TTC16: variants seen among roughly 807,000 people sequenced by gnomAD.
TTC16 encodes the protein tetratricopeptide repeat domain 16, also known as tetratricopeptide repeat protein 16.
TTC16 carries 66 observed loss-of-function variants against 80.4 expected under a neutral mutation model. That is an observed-to-expected ratio of 0.82 (90% CI 0.67 to 1.01). TTC16 has a LOEUF of 1.01. Ranked by LOEUF, TTC16 falls within the 50% of genes least tolerant of loss-of-function variation. TTC16 has a pLI of 0.00. For synonymous variants in TTC16, 438 were observed against 451.3 expected, an observed-to-expected ratio of 0.97 and a Z score of 0.37; for missense variants, 1,070 against 1,103.2, an observed-to-expected ratio of 0.97 and a Z score of 0.43.
chr9:127,729,847 G>T (rs574178191), intron 13 of TTC16, 179 bp downstream of exon 13: 7 of 604,480 alleles, frequency 1.2e-5, no homozygotes, highest in African/African-American at 7.4e-5. Flanking sequence ...CCAGGACGAG[G>T]TGAGGCTTGC....
chr9:127,731,464 C>A lies in TTC16; in HGVS notation c.*59C>A. The A allele has an allele frequency of 6.5e-7, 1 of 1,536,882 alleles. No individual in the cohort carries two copies. The highest frequency in any genetic ancestry group is 8.7e-7 in the Non-Finnish European group (1 of 1,143,120). ...AGGGGACGAGTTCTACCCACCTCCC[C>A]ACACTGGCACTCAGCCAGCTGCCTC... On this transcript the variant is annotated 3_prime_UTR_variant, in exon 14 of 14. Transcript: ENST00000373289.
rs564452113 is a variant in TTC16, at chr9:127,722,925, G to C, written c.658-194G>C. Reference sequence around the variant, plus strand: ...AGAGGTTGCAGTGAGCCAAGACCACGCCATTGCACTCCAGCCTGGGTGACA... The same window carrying C: ...AGAGGTTGCAGTGAGCCAAGACCACCCCATTGCACTCCAGCCTGGGTGACA... On this transcript the variant is annotated intron_variant, in intron 6 of 13. Transcript: ENST00000373289. This position sits in a 1 kb window ranked among gnomAD's most constrained non-coding sequence, Gnocchi z 4.2. 1.3e-5 allele frequency among the ~76,000 whole-genome samples: 2 copies of C among 150,574 alleles called. No individual in the cohort carries two copies. Among genetic ancestry groups the C allele is most frequent in the African/African-American group, 4.9e-5 (2 of 40,814 alleles).
chr9:127,727,661 G>A, intron 12 of TTC16, 196 bp downstream of exon 12: 1 of 1,203,238 alleles, frequency 8.3e-7, no homozygotes, highest in Non-Finnish European at 1.1e-6. Context: ...CTGACGGAGG[G>A]TGTGTGGGGA....
In TTC16 at chr9:127,723,245, G is replaced by A. The variant is rs758366626; in HGVS notation, c.784G>A (p.Ala262Thr). 2 of 1,612,944 alleles carry A rather than the reference G, an allele frequency of 1.2e-6. No individual in the cohort carries two copies. The highest frequency in any genetic ancestry group is 3.3e-5 in the Admixed American group (2 of 60,030). Residue 262 changes from alanine to threonine, a missense_variant, in exon 7 of 14, where the codon GCT becomes ACT. Transcript: ENST00000373289. ...QQARQDAGIL[A>T]VQGKLQHALQ... ...GGCGCGCCAAGATGCGGGGATCCTGGCTGTGCAGGGCAAGCTGCAGCACGC... is the reference window on the plus strand; with the variant it reads ...GGCGCGCCAAGATGCGGGGATCCTGACTGTGCAGGGCAAGCTGCAGCACGC...
At chr9:127,724,655 C>T (rs1843773661) in intron 8 of TTC16, 101 bp from the exon 9 acceptor site, 1 of 1,461,248 alleles carries the variant, frequency 6.8e-7, no homozygotes, top group South Asian at 1.3e-5. Context: ...GGGTTATCAG[C>T]CACCAGTTTC....
rs150701424 is a variant in TTC16, at chr9:127,725,626, G to A, written c.1260-613G>A. Among the ~76,000 whole-genome samples, 1,373 of 147,388 alleles carry A rather than the reference G, an allele frequency of 9.3e-3. 28 individuals carry two copies. The highest frequency in any genetic ancestry group is 0.033 in the African/African-American group (1,302 of 39,962). On this transcript the variant is annotated intron_variant, in intron 9 of 13. Coordinates refer to ENST00000373289, the MANE Select transcript of TTC16 (RefSeq NM_144965.3). Reference sequence around the variant, plus strand: ...TATGCTTTCCTTTTTTTTAGATGGAGTCTCACTCTGTTGCCCAGACTGGAG... The same window carrying A: ...TATGCTTTCCTTTTTTTTAGATGGAATCTCACTCTGTTGCCCAGACTGGAG...
At chr9:127,721,955 C>G (rs1843547636) in intron 6 of TTC16, among the ~76,000 whole-genome samples, 1 of 152,170 alleles carries the variant, frequency 6.6e-6, no homozygotes, top group Non-Finnish European at 1.5e-5. Context: ...TGCCACTGCG[C>G]CCGGCTGAGA....
At chr9:127,724,579 A>G in intron 8 of TTC16, 177 bp from the exon 9 acceptor site, 1 of 1,119,796 alleles carries the variant, frequency 8.9e-7, no homozygotes, top group Non-Finnish European at 1.2e-6. Context: ...AAAATGCTCA[A>G]AACAGGCAGC....
In TTC16 at chr9:127,723,256, C is replaced by A. The variant is rs1681658752; in HGVS notation, c.795C>A (p.Gly265=). ...RQDAGILAVQ[G]KLQHALQRIN... ...ATGCGGGGATCCTGGCTGTGCAGGG[C>A]AAGCTGCAGCACGCACTGCAGCGGA... The change falls in exon 7 of 14, where the codon GGC becomes GGA. Residue 265 remains glycine (G), a synonymous_variant. Transcript: ENST00000373289. The A allele has an allele frequency of 6.2e-7, 1 of 1,612,808 alleles. No individual in the cohort carries two copies. Among genetic ancestry groups the A allele is most frequent in the South Asian group, 1.1e-5 (1 of 91,090 alleles).
rs367594699 is a variant in TTC16 at position 127,716,952 on chromosome 9, C to T, written c.127C>T (p.Gln43Ter). 9 of 1,614,038 alleles carry T rather than the reference C, an allele frequency of 5.6e-6. No individual in the cohort carries two copies. The highest frequency in any genetic ancestry group is 6.8e-6 in the Non-Finnish European group (8 of 1,180,020). The change falls in exon 2 of 14, where the codon CAA becomes TAA. Residue 43 changes from glutamine to a stop codon, truncating the protein, a stop_gained. Coordinates refer to ENST00000373289, the MANE Select transcript of TTC16 (RefSeq NM_144965.3). LOFTEE classifies it high-confidence loss of function. ...QHIFGTSHVF[Q>*]SICDVKPKVT... Reference sequence around the variant, plus strand: ...CATCTTTGGGACCAGCCACGTGTTCCAAAGCATCTGTGATGTAAAACCAAA... The same window carrying T: ...CATCTTTGGGACCAGCCACGTGTTCTAAAGCATCTGTGATGTAAAACCAAA...
In TTC16 at chr9:127,720,169, G is replaced by C. The variant is rs188096179; in HGVS notation, c.518G>C (p.Arg173Pro). The C allele has an allele frequency of 1.4e-5, 22 of 1,613,588 alleles. No individual in the cohort carries two copies. The highest frequency in any genetic ancestry group is 3.3e-4 in the Middle Eastern group (2 of 6,082). Residue 173 changes from arginine to proline, a missense_variant, in exon 5 of 14, where the codon CGT becomes CCT. Coordinates refer to ENST00000373289, the MANE Select transcript of TTC16 (RefSeq NM_144965.3). ...CTCCAGCCTGAGAAACCATGCTTCC[G>C]TTACCGATGGTGAGTGCCCCTGCCA... ...AELQPEKPCF[R>P]YRCMACLLAL... is the part of the protein sequence containing the mutation.
At chr9:127,726,153 C>T in intron 9 of TTC16, 86 bp from the exon 10 acceptor site, 1 of 1,295,358 alleles carries the variant, frequency 7.7e-7, no homozygotes, top group Non-Finnish European at 1.0e-6. Flanking sequence ...TGGTTTCCCT[C>T]TAACTCCTCA....
intron 4 of TTC16, among the ~76,000 whole-genome samples, chr9:127,719,484 G>T (rs975890442): frequency 6.6e-6 from 1 of 152,122 alleles, no homozygotes; most frequent in Non-Finnish European, 1.5e-5. Context: ...GATCTCTTCT[G>T]CCATCTGAGT....
intron 12 of TTC16, 125 bp from the exon 13 acceptor site, chr9:127,729,456 G>A: frequency 1.3e-6 from 1 of 744,058 alleles, no homozygotes; most frequent in East Asian, 2.7e-5. Flanking sequence ...CTCTAACCTG[G>A]CACCTTCAAA....
In TTC16 at chr9:127,717,780, G is replaced by C. The variant is rs373362659; in HGVS notation, c.426+8G>C. ...TTTGTGCTCTACCTACAGGTGCCTG[G>C]GGCCTCCCGGGCCCATGCAGGGCAC... On this transcript the variant is annotated splice_region_variant and intron_variant, in intron 4 of 13. Coordinates refer to ENST00000373289, the MANE Select transcript of TTC16 (RefSeq NM_144965.3). 4.4e-6 allele frequency: 7 copies of C among 1,608,894 alleles called. No individual in the cohort carries two copies. The highest frequency in any genetic ancestry group is 2.2e-5 in the South Asian group (2 of 90,734).
At chr9:127,716,406 C>G in intron 1 of TTC16, 1 of 610,754 alleles carries the variant, frequency 1.6e-6, no homozygotes, top group Non-Finnish European at 2.9e-6. Context: ...AATGGGAGAA[C>G]CTGGGGCAGA....
In TTC16 at chr9:127,731,091, C is replaced by T. The variant is rs755752472; in HGVS notation, c.2308C>T (p.Gln770Ter). 1 of 1,611,996 alleles carries T rather than the reference C, an allele frequency of 6.2e-7. No homozygotes were observed. Among genetic ancestry groups the T allele is most frequent in the Non-Finnish European group, 8.5e-7 (1 of 1,179,554 alleles). Residue 770 changes from glutamine to a stop codon, truncating the protein, a stop_gained, in exon 14 of 14, where the codon CAG becomes TAG. Coordinates refer to ENST00000373289, the MANE Select transcript of TTC16 (RefSeq NM_144965.3). LOFTEE classifies it low-confidence loss of function (END_TRUNC). ...GACCAAGACCACCCGGAGCCCAAGG[C>T]AGAGGCCCAGAAAGGTCAAGGCTGC... ...SKTKTTRSPR[Q>*]RPRKVKAARG...
chr9:127,719,314 T>G (rs1798359102), intron 4 of TTC16, among the ~76,000 whole-genome samples: 2 of 152,160 alleles, frequency 1.3e-5, no homozygotes, highest in African/African-American at 2.4e-5. Flanking sequence ...CCACTTCCTG[T>G]GTACCCTTGT....
rs746004010 is a variant in TTC16, at chr9:127,727,328, A to G, written c.1627A>G (p.Lys543Glu). ...QKALALQHSW[K>E]QGEPLIATSE... ...GGCCTTGGCCCTGCAGCACTCATGGAAGCAGGGGGAGCCTTTGATTGCGAC... is the reference window on the plus strand; with the variant it reads ...GGCCTTGGCCCTGCAGCACTCATGGGAGCAGGGGGAGCCTTTGATTGCGAC... The change falls in exon 12 of 14, where the codon AAG becomes GAG. Residue 543 changes from lysine to glutamate, a missense_variant. Physicochemically the swap from Lys to Glu is moderately conservative, Grantham distance 56. Transcript: ENST00000373289. 3 of 1,601,862 alleles carry G rather than the reference A, an allele frequency of 1.9e-6. No homozygotes were observed. In the South Asian group the frequency reaches 3.3e-5, roughly 18 times the overall value.
Sources: allele counts gnomAD v4.1 joint callset (sites outside exome capture counted in the v4.1 genomes callset), GRCh38; gene constraint gnomAD v4.1.1; non-coding constraint Gnocchi (gnomAD v3.1); transcripts MANE v1.5; gene names NCBI Gene and HGNC (gene_info 2026-07-23, HGNC 2026-07-21).